ZNF609: variants seen among roughly 807,000 people sequenced by gnomAD.
ZNF609 encodes zinc finger protein 609.
Under a neutral mutation model 109.5 loss-of-function variants are expected in ZNF609, and 11 were observed. The ratio of observed to expected loss-of-function variants is 0.10; its 90% confidence interval spans 0.06 to 0.17. The LOEUF (loss-of-function observed/expected upper bound fraction) is 0.17, where lower values mean the gene tolerates loss of function less well. Ranked by LOEUF, ZNF609 falls within the 10% of genes least tolerant of loss-of-function variation. The probability of loss-of-function intolerance (pLI) is 1.00; values close to 1 mark genes in which losing one functional copy is unlikely to be tolerated. For synonymous variants in ZNF609, 646 were observed against 662.0 expected (o/e 0.98, Z 0.37); for missense variants, 1,559 against 1,772.4 (o/e 0.88, Z 2.16).
At chr15:64,630,538 C>T (rs1896054506) in intron 3 of ZNF609, among the ~76,000 whole-genome samples, 1 of 152,102 alleles carries the variant, frequency 6.6e-6, no homozygotes, top group African/African-American at 2.4e-5. Flanking sequence ...AGAAATCTTA[C>T]TACCATATAA....
At chr15:64,666,631 C>T (rs1362521723) in intron 3 of ZNF609, among the ~76,000 whole-genome samples, 2 of 151,790 alleles carry the variant, frequency 1.3e-5, no homozygotes, top group Non-Finnish European at 2.9e-5. Context: ...CTTGCCACAG[C>T]CTCCTGAGTA....
At chr15:64,668,672 A>G (rs1487157476) in intron 3 of ZNF609, among the ~76,000 whole-genome samples, 1 of 152,078 alleles carries the variant, frequency 6.6e-6, no homozygotes, top group East Asian at 1.9e-4. Context: ...TTAAAATGCC[A>G]GCCAGGTGCG....
chr15:64,506,645 G>A (rs547240084), intron 2 of ZNF609, among the ~76,000 whole-genome samples: 2 of 151,712 alleles, frequency 1.3e-5, no homozygotes, highest in African/African-American at 2.4e-5. Context: ...ACTTGAACCC[G>A]GGAGGCAGAG....
Position 64,676,243 on chromosome 15 carries a change from T to C in ZNF609, c.3389T>C (p.Leu1130Pro), listed in dbSNP as rs753610372. The change falls in exon 5 of 10, where the codon CTC becomes CCC. Residue 1130 changes from leucine to proline, a missense_variant. Transcript: ENST00000326648. ...CGRQAEMDPI[L>P]WYRQEAEPRM... ...CGACAGGCAGAGATGGATCCAATAC[T>C]CTGGTACCGACAGGTAACTGTTGCC... The C allele has an allele frequency of 1.2e-6, 2 of 1,607,622 alleles. No individual in the cohort carries two copies. Among genetic ancestry groups the C allele is most frequent in the East Asian group, 2.2e-5 (1 of 44,804 alleles).
At chr15:64,466,072 C>T (rs187705759) in intron 1 of ZNF609, among the ~76,000 whole-genome samples, 54 of 145,898 alleles carry the variant, frequency 3.7e-4, no homozygotes, top group Admixed American at 2.3e-3. Flanking sequence ...GCTGAGATTG[C>T]GCCATCGCAC....
At chr15:64,659,245 AC>A (rs1896539125) in intron 3 of ZNF609, among the ~76,000 whole-genome samples, 1 of 152,220 alleles carries the variant, frequency 6.6e-6, no homozygotes, top group Non-Finnish European at 1.5e-5. Context: ...TTTACCACAC[AC>A]ACTCACACAC....
At chr15:64,625,384 G>T (rs1211288715) in intron 3 of ZNF609, among the ~76,000 whole-genome samples, 5 of 152,196 alleles carry the variant, frequency 3.3e-5, no homozygotes, top group African/African-American at 9.6e-5. Context: ...GCTGGGTATG[G>T]TGGCGTGTAC....
At chr15:64,551,979 C>G (rs1894487441) in intron 2 of ZNF609, among the ~76,000 whole-genome samples, 2 of 115,944 alleles carry the variant, frequency 1.7e-5, no homozygotes, top group African/African-American at 5.6e-5. Context: ...GAGTAAGACT[C>G]TGTCTCAAAA....
intron 3 of ZNF609, among the ~76,000 whole-genome samples, chr15:64,670,143 C>T (rs1896705007): frequency 6.6e-6 from 1 of 152,164 alleles, no homozygotes; most frequent in Admixed American, 6.6e-5. Context: ...GAAGTCTTTA[C>T]AACTGTTACC....
At chr15:64,522,386 C>T (rs999189639) in intron 2 of ZNF609, among the ~76,000 whole-genome samples, 1 of 152,162 alleles carries the variant, frequency 6.6e-6, no homozygotes, top group Non-Finnish European at 1.5e-5. Context: ...ATGATCTATA[C>T]CTCATGAATC....
At chr15:64,487,961 T>G (rs1893355622) in intron 1 of ZNF609, among the ~76,000 whole-genome samples, 1 of 152,174 alleles carries the variant, frequency 6.6e-6, no homozygotes, top group African/African-American at 2.4e-5. Flanking sequence ...AGTGTGACAC[T>G]TGGATGGTTT....
intron 1 of ZNF609, among the ~76,000 whole-genome samples, chr15:64,496,052 C>G (rs1441688984): frequency 6.6e-6 from 1 of 152,168 alleles, no homozygotes; most frequent in Non-Finnish European, 1.5e-5. Flanking sequence ...CTCCTGACCT[C>G]AAGTGATCCT....
At chr15:64,528,990 G>A (rs1894013780) in intron 2 of ZNF609, 1 of 1,509,810 alleles carries the variant, frequency 6.6e-7, no homozygotes, top group Non-Finnish European at 9.1e-7. Context: ...CCATGCCAGT[G>A]AGCTTCCCGT....
At chr15:64,485,263 A>G (rs1318819226) in intron 1 of ZNF609, among the ~76,000 whole-genome samples, 1 of 152,248 alleles carries the variant, frequency 6.6e-6, no homozygotes, top group Non-Finnish European at 1.5e-5. Flanking sequence ...CAAAGGGAAT[A>G]TAATGTCAAG....
chr15:64,630,062 T>A (rs1043753694), intron 3 of ZNF609, among the ~76,000 whole-genome samples: 1 of 151,684 alleles, frequency 6.6e-6, no homozygotes, highest in African/African-American at 2.4e-5. Flanking sequence ...TTCTCTTCAT[T>A]ACACCTACAT....
chr15:64,523,898 A>G (rs1247781829), intron 2 of ZNF609, among the ~76,000 whole-genome samples: 2 of 152,124 alleles, frequency 1.3e-5, no homozygotes, highest in Admixed American at 1.3e-4. Flanking sequence ...AATGGCTTTA[A>G]TGTTCCTGCC....
intron 2 of ZNF609, among the ~76,000 whole-genome samples, chr15:64,559,845 C>T (rs888500849): frequency 1.3e-5 from 2 of 152,068 alleles, no homozygotes; most frequent in African/African-American, 4.8e-5. Context: ...TTCTATTCAC[C>T]CACTTTGTGA....
chr15:64,608,492 TAGTTCCATACAGTTTTGTCCCATGTATA>T (rs916441355), intron 2 of ZNF609, among the ~76,000 whole-genome samples: 2 of 152,202 alleles, frequency 1.3e-5, no homozygotes, highest in Admixed American at 1.3e-4. Context: ...TGGGTGTGTG[TAGTTCCATACAGTTTTGTCCCATGTATA>T]AGTTCATGTA....
chr15:64,546,551 C>T (rs985956053), intron 2 of ZNF609, among the ~76,000 whole-genome samples: 1 of 151,826 alleles, frequency 6.6e-6, no homozygotes, highest in Non-Finnish European at 1.5e-5. Context: ...GGGCTCACCA[C>T]AGCCCCAACC....
Sources: allele counts gnomAD v4.1 joint callset (sites outside exome capture counted in the v4.1 genomes callset), GRCh38; gene constraint gnomAD v4.1.1; transcripts MANE v1.5; gene names NCBI Gene and HGNC (gene_info 2026-07-23, HGNC 2026-07-21).